DTNA: variants seen among roughly 807,000 people sequenced by gnomAD.
DTNA encodes dystrophin-related protein 3.
In DTNA, 43 loss-of-function variants were observed where a neutral mutation model predicts 100.7. The ratio of observed to expected loss-of-function variants is 0.43; its 90% confidence interval spans 0.33 to 0.55. The LOEUF (loss-of-function observed/expected upper bound fraction) is 0.55, where lower values mean the gene tolerates loss of function less well. Ranked by LOEUF, DTNA falls within the 20% of genes least tolerant of loss-of-function variation. The pLI is 0.04. For missense variants in DTNA, 798 were observed against 953.9 expected (o/e 0.84, Z 2.15); for synonymous variants, 349 against 347.9 (o/e 1.00, Z -0.04).
At chr18:34,623,974 G>A in intron 1 of DTNA, among the ~76,000 whole-genome samples, 1 of 152,106 alleles carries the variant, frequency 6.6e-6, no homozygotes, top group Admixed American at 6.5e-5. Flanking sequence ...GTTCTTAAGT[G>A]GGGAAAACAT....
intron 1 of DTNA, among the ~76,000 whole-genome samples, chr18:34,493,691 G>A (rs2038794906): frequency 2.0e-5 from 3 of 149,028 alleles, no homozygotes; most frequent in Admixed American, 6.7e-5. Flanking sequence ...GCGCAGCCCC[G>A]GCTGCGCAGG....
intron 1 of DTNA, among the ~76,000 whole-genome samples, chr18:34,673,981 A>G (rs188902768): frequency 3.9e-5 from 6 of 152,352 alleles, no homozygotes; most frequent in Non-Finnish European, 8.8e-5. Flanking sequence ...CTATATGGAT[A>G]CCCAGAATTG....
At chr18:34,523,338 G>A (rs2042318068) in intron 1 of DTNA, among the ~76,000 whole-genome samples, 1 of 152,126 alleles carries the variant, frequency 6.6e-6, no homozygotes, top group Non-Finnish European at 1.5e-5. Context: ...TATATATGGA[G>A]ATAGGACTCA....
intron 16 of DTNA, among the ~76,000 whole-genome samples, chr18:34,858,943 T>G (rs548641644): frequency 6.6e-6 from 1 of 152,304 alleles, no homozygotes; most frequent in East Asian, 1.9e-4. Flanking sequence ...ACAACATATC[T>G]CACTAGGAAC....
At chr18:34,645,026 T>C (rs2059681265) in intron 1 of DTNA, among the ~76,000 whole-genome samples, 1 of 152,146 alleles carries the variant, frequency 6.6e-6, no homozygotes, top group African/African-American at 2.4e-5. Context: ...AACTGAATCT[T>C]TAATAATGAT....
At chr18:34,504,283 T>A (rs1234767750) in intron 1 of DTNA, 1 of 152,166 alleles carries the variant, frequency 6.6e-6, no homozygotes, top group Non-Finnish European at 1.5e-5. Flanking sequence ...AAACCGTACC[T>A]CCCTTTACAG....
intron 5 of DTNA, among the ~76,000 whole-genome samples, chr18:34,808,904 C>T (rs1455368458): frequency 2.6e-5 from 4 of 152,146 alleles, no homozygotes; most frequent in Non-Finnish European, 4.4e-5. Context: ...AGTGTGACCC[C>T]GATAAATCGC....
chr18:34,602,985 A>G (rs1213422147), intron 1 of DTNA, among the ~76,000 whole-genome samples: 1 of 151,874 alleles, frequency 6.6e-6, no homozygotes, highest in Non-Finnish European at 1.5e-5. Context: ...CCCGGGCGAC[A>G]GTGTGAGACT....
At position 34,740,804 on chromosome 18, in the gene DTNA, G is replaced by GAA. The variant is rs71379578; in HGVS notation, c.-1-15161_-1-15160dup. On this transcript the variant is annotated intron_variant, in intron 1 of 22. Transcript: ENST00000444659. ...GGGTGAGATGCTGTCTCAAAAACAG[G>GAA]AAAAAAAAAAAAGAAAAGAAAGTGT... is the stretch of plus-strand genomic sequence containing the variant. 7.3e-3 allele frequency among the ~76,000 whole-genome samples: 1,047 copies of GAA among 143,260 alleles called. 12 individuals are homozygous for GAA. Among genetic ancestry groups the GAA allele is most frequent in the African/African-American group, 0.026 (1,003 of 39,306 alleles). The allele number at this position is 143,260 out of a possible 152,430, so 94.0% of individuals were successfully genotyped here.
At chr18:34,570,434 C>G in intron 1 of DTNA, among the ~76,000 whole-genome samples, 1 of 152,142 alleles carries the variant, frequency 6.6e-6, no homozygotes, top group Non-Finnish European at 1.5e-5. Flanking sequence ...ATTGTGAACT[C>G]TTTGAAAGCA....
intron 17 of DTNA, chr18:34,867,206 G>A (rs561850096): frequency 8.1e-7 from 1 of 1,231,134 alleles, no homozygotes; most frequent in South Asian, 4.1e-5. Flanking sequence ...TATTCATTAT[G>A]TGTGTTTGTG....
At chr18:34,711,689 T>C (rs2082934408) in intron 1 of DTNA, among the ~76,000 whole-genome samples, 1 of 152,212 alleles carries the variant, frequency 6.6e-6, no homozygotes. Flanking sequence ...ACTTAGATTT[T>C]ATTAAATTTA....
chr18:34,628,777 A>T (rs934038964), intron 1 of DTNA, among the ~76,000 whole-genome samples: 2 of 152,246 alleles, frequency 1.3e-5, no homozygotes, highest in Middle Eastern at 3.4e-3. Flanking sequence ...TCTTACTTGA[A>T]CTTGTTTGTC....
chr18:34,587,533 G>A (rs2049265821), intron 1 of DTNA, among the ~76,000 whole-genome samples: 1 of 151,844 alleles, frequency 6.6e-6, no homozygotes, highest in Non-Finnish European at 1.5e-5. Flanking sequence ...AAATATATTT[G>A]ATATAAAGTA....
chr18:34,656,472 G>T (rs1275358759), intron 1 of DTNA, among the ~76,000 whole-genome samples: 4 of 152,152 alleles, frequency 2.6e-5, no homozygotes, highest in African/African-American at 9.7e-5. Context: ...AAAAAGACTT[G>T]AAATGAGCTG....
At chr18:34,778,926 T>G (rs1345880632) in intron 3 of DTNA, among the ~76,000 whole-genome samples, 1 of 151,804 alleles carries the variant, frequency 6.6e-6, no homozygotes, top group Non-Finnish European at 1.5e-5. Context: ...CACACCATTC[T>G]CCTGCCTCAG....
intron 13 of DTNA, among the ~76,000 whole-genome samples, chr18:34,841,364 G>T (rs2096265243): frequency 6.6e-6 from 1 of 152,008 alleles, no homozygotes; most frequent in South Asian, 2.1e-4. Flanking sequence ...GTTTTTATTT[G>T]ATTTTAGCAA....
chr18:34,717,725 A>G (rs2084340270), intron 1 of DTNA, among the ~76,000 whole-genome samples: 1 of 152,148 alleles, frequency 6.6e-6, no homozygotes, highest in South Asian at 2.1e-4. Flanking sequence ...GGGAGAGAAA[A>G]TGCTGTGTGG....
chr18:34,538,284 A>C (rs936592972), intron 1 of DTNA, among the ~76,000 whole-genome samples: 2 of 152,060 alleles, frequency 1.3e-5, no homozygotes, highest in Non-Finnish European at 2.9e-5. Flanking sequence ...GGGGCCCAGC[A>C]ATCCAGTTTG....
Sources: allele counts gnomAD v4.1 joint callset (sites outside exome capture counted in the v4.1 genomes callset), GRCh38; gene constraint gnomAD v4.1.1; transcripts MANE v1.5; gene names NCBI Gene and HGNC (gene_info 2026-07-23, HGNC 2026-07-21).